ARB2A: variants seen among roughly 807,000 people sequenced by gnomAD.
ARB2A encodes ARB2 cotranscriptional regulator A.
the ARB2A span, among the ~76,000 whole-genome samples, chr5:93,804,111 A>T: frequency 6.6e-6 from 1 of 152,056 alleles, no homozygotes; most frequent in Non-Finnish European, 1.5e-5. Context: ...ACACCATACA[A>T]AGATAAATTT....
the ARB2A span, among the ~76,000 whole-genome samples, chr5:93,760,579 G>T: frequency 6.6e-6 from 1 of 152,076 alleles, no homozygotes; most frequent in Non-Finnish European, 1.5e-5. Context: ...ACAGAATAGA[G>T]AACACAGAAA....
the ARB2A span, among the ~76,000 whole-genome samples, chr5:93,892,588 G>A: frequency 6.6e-6 from 1 of 151,724 alleles, no homozygotes; most frequent in East Asian, 1.9e-4. Flanking sequence ...CTACCTCTGG[G>A]GGGGGGAAAA....
At chr5:93,860,361 C>T in the ARB2A span, among the ~76,000 whole-genome samples, 1 of 151,972 alleles carries the variant, frequency 6.6e-6, no homozygotes, top group African/African-American at 2.4e-5. Flanking sequence ...TGTTCATCCA[C>T]AGTAAAGTGG....
the ARB2A span, among the ~76,000 whole-genome samples, chr5:94,055,380 A>G: frequency 6.6e-6 from 1 of 152,220 alleles, no homozygotes; most frequent in Non-Finnish European, 1.5e-5. Flanking sequence ...CTTTCTGTAT[A>G]GAACATCATC....
At chr5:93,984,000 G>A in the ARB2A span, among the ~76,000 whole-genome samples, 7 of 152,168 alleles carry the variant, frequency 4.6e-5, no homozygotes, top group Admixed American at 1.3e-4. Context: ...TGTACTTCAC[G>A]AAAAGTAGCT....
chr5:93,971,699 C>T, the ARB2A span, among the ~76,000 whole-genome samples: 4 of 151,540 alleles, frequency 2.6e-5, no homozygotes, highest in African/African-American at 9.7e-5. Context: ...ATTTAAAATC[C>T]CCAAACCATT....
At chr5:93,733,355 C>T in the ARB2A span, 6 of 152,164 alleles carry the variant, frequency 3.9e-5, no homozygotes, top group Admixed American at 1.3e-4. Flanking sequence ...CATGCATCAC[C>T]ACACGCAGCT....
At chr5:93,674,758 T>A in the ARB2A span, among the ~76,000 whole-genome samples, 2 of 152,250 alleles carry the variant, frequency 1.3e-5, no homozygotes, top group African/African-American at 4.8e-5. Context: ...TAGTGTGCTA[T>A]ATTTTTTTAC....
chr5:93,838,474 A>G, the ARB2A span, among the ~76,000 whole-genome samples: 1 of 152,074 alleles, frequency 6.6e-6, no homozygotes, highest in Middle Eastern at 3.4e-3. Flanking sequence ...TGCCTTGGCT[A>G]TTCAGGCCCT....
At chr5:93,853,533 G>A in the ARB2A span, among the ~76,000 whole-genome samples, 1 of 152,096 alleles carries the variant, frequency 6.6e-6, no homozygotes, top group Non-Finnish European at 1.5e-5. Flanking sequence ...CCTGTCTTGT[G>A]CCAGTTTTCC....
chr5:93,635,459 G>GTTTTT, the ARB2A span, among the ~76,000 whole-genome samples: 117 of 128,916 alleles, frequency 9.1e-4, 3 homozygotes, highest in African/African-American at 3.4e-3. Context: ...TTATACGAAA[G>GTTTTT]TTTTTTTTTT....
At chr5:93,797,023 A>G in the ARB2A span, among the ~76,000 whole-genome samples, 6 of 152,128 alleles carry the variant, frequency 3.9e-5, no homozygotes, top group African/African-American at 1.4e-4. Flanking sequence ...GTAACAAAAG[A>G]GCACTTCTGA....
the ARB2A span, among the ~76,000 whole-genome samples, chr5:93,773,562 G>C: frequency 6.6e-6 from 1 of 152,138 alleles, no homozygotes; most frequent in East Asian, 1.9e-4. Context: ...ACCAACTATA[G>C]TGCTTGCTGA....
the ARB2A span, among the ~76,000 whole-genome samples, chr5:94,106,919 A>T: frequency 2.6e-5 from 4 of 151,380 alleles, no homozygotes; most frequent in African/African-American, 9.7e-5. Flanking sequence ...TCACTTATAC[A>T]TGAAAGCTAA....
At chr5:93,740,757 G>T in the ARB2A span, 3 of 1,612,234 alleles carry the variant, frequency 1.9e-6, no homozygotes, top group Non-Finnish European at 1.7e-6. Flanking sequence ...AAGCATCATT[G>T]GTTGGTCGAC....
At chr5:93,922,219 G>A in the ARB2A span, among the ~76,000 whole-genome samples, 1 of 152,100 alleles carries the variant, frequency 6.6e-6, no homozygotes, top group African/African-American at 2.4e-5. Flanking sequence ...CAGATGTTGT[G>A]CATAACTTCA....
chr5:93,744,547 C>T, the ARB2A span, among the ~76,000 whole-genome samples: 2 of 148,436 alleles, frequency 1.3e-5, no homozygotes, highest in Non-Finnish European at 3.0e-5. Context: ...TTGGTCAGAT[C>T]TCATCTACCA....
chr5:93,676,052 A>G, the ARB2A span, among the ~76,000 whole-genome samples: 1 of 152,214 alleles, frequency 6.6e-6, no homozygotes, highest in African/African-American at 2.4e-5. Flanking sequence ...GAAGCTCTGT[A>G]CTGATTAAAC....
At chr5:93,741,397 G>A in the ARB2A span, 1 of 1,613,286 alleles carries the variant, frequency 6.2e-7, no homozygotes, top group Non-Finnish European at 8.5e-7. Flanking sequence ...GTCAGGGCCT[G>A]GGCAGATCCC....
Sources: allele counts gnomAD v4.1 joint callset (sites outside exome capture counted in the v4.1 genomes callset), GRCh38; gene constraint gnomAD v4.1.1; transcripts MANE v1.5; gene names NCBI Gene and HGNC (gene_info 2026-07-23, HGNC 2026-07-21).